Variants in BNC2 observed in about 807,000 individuals in gnomAD.
BNC2 encodes the protein basonuclin zinc finger protein 2.
In BNC2, 20 loss-of-function variants were observed where a neutral mutation model predicts 76.3. That is an observed-to-expected ratio of 0.26 (90% CI 0.18 to 0.38). The LOEUF is 0.38. Ranked by LOEUF, BNC2 falls within the 10% of genes least tolerant of loss-of-function variation. The pLI, the probability that BNC2 is intolerant of heterozygous loss-of-function variation, is 1.00. For synonymous variants in BNC2, 582 were observed against 514.8 expected, an observed-to-expected ratio of 1.13 and a Z score of -1.77; for missense variants, 1,382 against 1,399.8, an observed-to-expected ratio of 0.99 and a Z score of 0.20.
intron 3 of BNC2, among the ~76,000 whole-genome samples, chr9:16,693,399 G>A (rs1823241629): frequency 6.6e-6 from 1 of 152,226 alleles, no homozygotes. Flanking sequence ...CAGTGCCCAA[G>A]GCATGCTTCT....
intron 1 of BNC2, among the ~76,000 whole-genome samples, chr9:16,783,684 A>G (rs1468177742): frequency 6.6e-6 from 1 of 152,198 alleles, no homozygotes; most frequent in Non-Finnish European, 1.5e-5. Context: ...AACAATCTCA[A>G]AAATTAATTC....
chr9:16,811,446 G>A (rs1818050295), intron 1 of BNC2, among the ~76,000 whole-genome samples: 1 of 149,758 alleles, frequency 6.7e-6, no homozygotes, highest in Non-Finnish European at 1.5e-5. Context: ...CAGCTACTCA[G>A]GAGGCTGAGG....
chr9:16,727,887 C>T lies in BNC2; in HGVS notation c.240G>A (p.Gln80=). ...CAGCCGTAGTCGTTCTGGTTCCGAACTGCATGGAGTTGTCAGTACAGGAGT... is the reference window on the plus strand; with the variant it reads ...CAGCCGTAGTCGTTCTGGTTCCGAATTGCATGGAGTTGTCAGTACAGGAGT... ...LRDSCTDNSM[Q]FGTRTTTAEP... is the part of the protein sequence containing the mutation. The change falls in exon 3 of 7, where the codon CAG becomes CAA. Residue 80 remains glutamine (Q), a synonymous_variant. Coordinates refer to ENST00000380672, the MANE Select transcript of BNC2 (RefSeq NM_017637.6). 1.2e-6 allele frequency: 2 copies of T among 1,614,196 alleles called. No homozygotes were observed. Among genetic ancestry groups the T allele is most frequent in the Non-Finnish European group, 1.7e-6 (2 of 1,180,038 alleles).
At chr9:16,504,277 A>T (rs1437447201) in intron 5 of BNC2, among the ~76,000 whole-genome samples, 1 of 118,774 alleles carries the variant, frequency 8.4e-6, no homozygotes, top group Admixed American at 8.5e-5. Context: ...GGAATAATAC[A>T]TGTATTCCAG....
chr9:16,539,380 T>C (rs1164509715), intron 5 of BNC2, among the ~76,000 whole-genome samples: 1 of 150,746 alleles, frequency 6.6e-6, no homozygotes, highest in African/African-American at 2.4e-5. Context: ...GTGAAAAAAA[T>C]AGCCAGGTGT....
chr9:16,600,297 G>A (rs1353006423), intron 3 of BNC2, among the ~76,000 whole-genome samples: 1 of 152,182 alleles, frequency 6.6e-6, no homozygotes, highest in East Asian at 1.9e-4. Context: ...TATCCATAGA[G>A]CTGGTGATAA....
At chr9:16,616,781 GAGGA>G (rs141716864) in intron 3 of BNC2, among the ~76,000 whole-genome samples, 1 of 52,802 alleles carries the variant, frequency 1.9e-5, no homozygotes, top group East Asian at 7.6e-4. Context: ...GAGGGGAGGG[GAGGA>G]AGGAGGGAAG....
intron 1 of BNC2, among the ~76,000 whole-genome samples, chr9:16,802,945 A>T (rs1817818215): frequency 6.6e-6 from 1 of 152,212 alleles, no homozygotes; most frequent in African/African-American, 2.4e-5. Flanking sequence ...TTGCATTTTT[A>T]AAACCAGGTA....
chr9:16,818,399 G>C (rs565454913), intron 1 of BNC2, among the ~76,000 whole-genome samples: 1 of 151,974 alleles, frequency 6.6e-6, no homozygotes, highest in African/African-American at 2.4e-5. Context: ...GCGAGACTCC[G>C]TCTCAAAAAA....
intron 5 of BNC2, among the ~76,000 whole-genome samples, chr9:16,476,947 T>G (rs7860831): frequency 0.36 from 54,135 of 151,724 alleles, 11,407 homozygotes; most frequent in African/African-American, 0.58. Context: ...GCAGGGAGGG[T>G]GTCAGAAGTA....
intron 1 of BNC2, among the ~76,000 whole-genome samples, chr9:16,815,634 T>C (rs1474822749): frequency 6.6e-6 from 1 of 152,236 alleles, no homozygotes; most frequent in Non-Finnish European, 1.5e-5. Context: ...ACTAATACTC[T>C]GGTTAACCAT....
intron 3 of BNC2, among the ~76,000 whole-genome samples, chr9:16,726,559 TAAAAAA>T (rs35579154): frequency 1.8e-3 from 180 of 102,426 alleles, no homozygotes; most frequent in Non-Finnish European, 3.8e-3. Flanking sequence ...AAAAGCTTTT[TAAAAAA>T]AAAAAAAAAA....
intron 1 of BNC2, among the ~76,000 whole-genome samples, chr9:16,855,791 G>A (rs2136181209): frequency 6.6e-6 from 1 of 151,034 alleles, no homozygotes; most frequent in Middle Eastern, 3.4e-3. Flanking sequence ...CCCATGATCT[G>A]CCTGCCTCGG....
At position 16,849,041 on chromosome 9, in the gene BNC2, G is replaced by A. The variant is rs577521405; in HGVS notation, c.3+21605C>T. The stretch of plus-strand genomic sequence containing the variant: ...AAAATCTGAATAAATCTGAATTTTG[G>A]TCCCAAGCATTTCAAATACCAGAGG... On this transcript the variant is annotated intron_variant, in intron 1 of 6. Coordinates refer to ENST00000380672, the MANE Select transcript of BNC2 (RefSeq NM_017637.6). 5.3e-5 allele frequency among the ~76,000 whole-genome samples: 8 copies of A among 152,086 alleles called. No homozygotes were observed. In the South Asian group the frequency reaches 1.7e-3, roughly 32 times the overall value.
At chr9:16,501,379 A>G (rs1165976168) in intron 5 of BNC2, among the ~76,000 whole-genome samples, 2 of 152,236 alleles carry the variant, frequency 1.3e-5, no homozygotes, top group Non-Finnish European at 2.9e-5. Flanking sequence ...GACTGATGAT[A>G]ATAATGATAC....
At chr9:16,715,275 G>A (rs1352785367) in intron 3 of BNC2, among the ~76,000 whole-genome samples, 1 of 152,026 alleles carries the variant, frequency 6.6e-6, no homozygotes, top group Non-Finnish European at 1.5e-5. Flanking sequence ...TGCCCACACA[G>A]GTGATTTTTC....
chr9:16,599,643 G>C (rs1344790054), intron 3 of BNC2, among the ~76,000 whole-genome samples: 2 of 152,132 alleles, frequency 1.3e-5, no homozygotes, highest in Admixed American at 6.5e-5. Flanking sequence ...AATAAGCCAG[G>C]CGTGGTGGCA....
intron 1 of BNC2, among the ~76,000 whole-genome samples, chr9:16,806,139 G>C (rs994204875): frequency 6.6e-6 from 1 of 152,136 alleles, no homozygotes; most frequent in African/African-American, 2.4e-5. Context: ...AAATGACCTT[G>C]GCTAAAGCTT....
intron 1 of BNC2, among the ~76,000 whole-genome samples, chr9:16,781,563 G>C (rs996794653): frequency 6.6e-6 from 1 of 152,128 alleles, no homozygotes; most frequent in Admixed American, 6.6e-5. Context: ...TGCTGGTCGC[G>C]AACTCCTAAG....
Sources: allele counts gnomAD v4.1 joint callset (sites outside exome capture counted in the v4.1 genomes callset), GRCh38; gene constraint gnomAD v4.1.1; transcripts MANE v1.5; gene names NCBI Gene and HGNC (gene_info 2026-07-23, HGNC 2026-07-21).